TBC1D16: variants seen among roughly 807,000 people sequenced by gnomAD.
TBC1D16 encodes the protein CTD-2529O21.1.
In TBC1D16, 58 loss-of-function variants were observed where a neutral mutation model predicts 74.7. That is an observed-to-expected ratio of 0.78 (90% CI 0.63 to 0.97). The LOEUF is 0.97. TBC1D16 is among the 50% of genes least tolerant of loss of function. TBC1D16 has a pLI of 0.00. For synonymous variants in TBC1D16, 493 were observed against 474.7 expected (o/e 1.04, Z -0.50); for missense variants, 1,014 against 1,079.5 (o/e 0.94, Z 0.85).
intron 1 of TBC1D16, among the ~76,000 whole-genome samples, chr17:80,032,089 T>C (rs1172807789): frequency 1.3e-5 from 2 of 152,224 alleles, no homozygotes; most frequent in Admixed American, 6.5e-5. Context: ...ATGAACTATA[T>C]TGGAGCATTG....
rs546012642 is a variant in TBC1D16, at chr17:79,941,633, G to T, written c.2055+427C>A. On this transcript the variant is annotated intron_variant, in intron 11 of 11. Transcript: ENST00000310924. The surrounding 1 kb of genome is among the most constrained non-coding windows in gnomAD (Gnocchi z 4.3). Reference sequence around the variant, plus strand: ...CATCTCCAGGAGGCGTCTGGGAAGTGGGGGAGGGGGCCAAAGCCCAAGGTC... The same window carrying T: ...CATCTCCAGGAGGCGTCTGGGAAGTTGGGGAGGGGGCCAAAGCCCAAGGTC... Among the ~76,000 whole-genome samples the T allele has an allele frequency of 6.6e-6, 1 of 152,320 alleles. No homozygotes were observed. Among genetic ancestry groups the T allele is most frequent in the South Asian group, 2.1e-4 (1 of 4,832 alleles).
rs1046046233 is a variant in TBC1D16 at position 79,943,011 on chromosome 17, G to A, written c.1909-805C>T. On this transcript the variant is annotated intron_variant, in intron 10 of 11. Transcript: ENST00000310924. ...GACACGCCACCTTTGATGCACACGC[G>A]CTTCCGGAGGCACAGGAAGGACGGG... 4.6e-5 allele frequency among the ~76,000 whole-genome samples: 7 copies of A among 152,340 alleles called. No homozygotes were observed. The South Asian group carries it at 6.2e-4, about 14-fold the overall frequency.
rs149260140 is a variant in TBC1D16, at chr17:79,950,192, G to C, written c.1257+219C>G. 2.0e-5 allele frequency among the ~76,000 whole-genome samples: 3 copies of C among 151,898 alleles called. No homozygotes were observed. Among genetic ancestry groups the C allele is most frequent in the East Asian group, 3.9e-4 (2 of 5,182 alleles). ...TGACACGGTATCCCCCCAAACCCTCGAGGGAGGTGTTGTGTTTTGTTTTTT... is the reference window on the plus strand; with the variant it reads ...TGACACGGTATCCCCCCAAACCCTCCAGGGAGGTGTTGTGTTTTGTTTTTT... On this transcript the variant is annotated intron_variant, in intron 6 of 11. Coordinates refer to ENST00000310924, the MANE Select transcript of TBC1D16 (RefSeq NM_019020.4). This position sits in a 1 kb window ranked among gnomAD's most constrained non-coding sequence, Gnocchi z 4.6.
intron 3 of TBC1D16, 192 bp from the exon 4 acceptor site, chr17:79,953,010 C>T: frequency 2.0e-6 from 1 of 498,670 alleles, no homozygotes; most frequent in East Asian, 3.3e-5. Flanking sequence ...GTTCTACTTC[C>T]ACTTGGATGG....
In TBC1D16 at chr17:80,000,581, C is replaced by T. The variant is rs1373027902; in HGVS notation, c.779+9579G>A. ...GAGAATACATTTCTCTTGTTTCAAG[C>T]ACCCGGTTTGTGGTCCTTTGTCACA... On this transcript the variant is annotated intron_variant, in intron 3 of 11. Coordinates refer to ENST00000310924, the MANE Select transcript of TBC1D16 (RefSeq NM_019020.4). The surrounding 1 kb of genome is among the most constrained non-coding windows in gnomAD (Gnocchi z 4.1). Among the ~76,000 whole-genome samples, 1 of 152,236 alleles carries T rather than the reference C, an allele frequency of 6.6e-6. No homozygotes were observed. Among genetic ancestry groups the T allele is most frequent in the African/African-American group, 2.4e-5 (1 of 41,460 alleles).
At chr17:79,962,401 G>A (rs1427430662) in intron 3 of TBC1D16, among the ~76,000 whole-genome samples, 2 of 151,324 alleles carry the variant, frequency 1.3e-5, no homozygotes, top group African/African-American at 4.9e-5. Flanking sequence ...TTTTAGTAGA[G>A]ATGGGGTTTC....
rs371232180 is a variant in TBC1D16, at chr17:79,975,650, G to A, written c.780-22832C>T. Among the ~76,000 whole-genome samples, 16 of 152,302 alleles carry A rather than the reference G, an allele frequency of 1.1e-4. No individual in the cohort carries two copies. In the East Asian group the frequency reaches 1.7e-3, roughly 17 times the overall value. On this transcript the variant is annotated intron_variant, in intron 3 of 11. Coordinates refer to ENST00000310924, the MANE Select transcript of TBC1D16 (RefSeq NM_019020.4). This position sits in a 1 kb window ranked among gnomAD's most constrained non-coding sequence, Gnocchi z 4.5. The stretch of plus-strand genomic sequence containing the variant: ...GCCCACAACAGGTCCACCCTGAAGT[G>A]AAAAGACAAATATCATTTTTCCTCC...
chr17:79,992,155 T>C (rs1458797466), intron 3 of TBC1D16: 1 of 152,298 alleles, frequency 6.6e-6, no homozygotes, highest in African/African-American at 2.4e-5. Flanking sequence ...GGGCACACAA[T>C]GCGTCCTTTC....
In TBC1D16 at chr17:79,975,969, G is replaced by T. The variant is rs553145887; in HGVS notation, c.780-23151C>A. On this transcript the variant is annotated intron_variant, in intron 3 of 11. Transcript: ENST00000310924. The surrounding 1 kb of genome is among the most constrained non-coding windows in gnomAD (Gnocchi z 4.5). ...CAGCTTCTGCGGCTCCCCAGGCAAC[G>T]GAGCCAGTCAGGGCATGGGGACGCC... is the stretch of plus-strand genomic sequence containing the variant. Among the ~76,000 whole-genome samples, 1 of 152,166 alleles carries T rather than the reference G, an allele frequency of 6.6e-6. No homozygotes were observed. The highest frequency in any genetic ancestry group is 6.5e-5 in the Admixed American group (1 of 15,276).
In TBC1D16 at chr17:79,985,519, G is replaced by A. The variant is rs1480231772; in HGVS notation, c.779+24641C>T. Among the ~76,000 whole-genome samples the A allele has an allele frequency of 3.3e-5, 5 of 152,170 alleles. No individual in the cohort carries two copies. The highest frequency in any genetic ancestry group is 6.5e-5 in the Admixed American group (1 of 15,280). On this transcript the variant is annotated intron_variant, in intron 3 of 11. Transcript: ENST00000310924. The surrounding 1 kb of genome is among the most constrained non-coding windows in gnomAD (Gnocchi z 4.9). ...GCCCCCCAAGGCCAGGCAGGTCCTC[G>A]AGGAGCATCTCCCAGTCCAGTCTCA...
In TBC1D16 at chr17:79,936,879, T is replaced by TGCGTGC. The variant is rs1568556892; in HGVS notation, c.*3979_*3980insGCACGC. 6.7e-5 allele frequency: 10 copies of TGCGTGC among 149,274 alleles called. No homozygotes were observed. The highest frequency in any genetic ancestry group is 2.0e-4 in the Admixed American group (3 of 14,844). The allele number at this position is 149,274 out of a possible 1,614,324, so 9.2% of individuals were successfully genotyped here. A position where few individuals can be genotyped will look rare whatever the true frequency, so the allele number is the denominator to read the frequency against. On this transcript the variant is annotated 3_prime_UTR_variant, in exon 12 of 12. Transcript: ENST00000310924. ...CTGCACCCCTGCACATATGTGTGTG[T>TGCGTGC]GTGTGTGCATGCGTGCGTGTGTGCA... is the stretch of plus-strand genomic sequence containing the variant.
At chr17:80,004,784 C>T (rs573679982) in intron 3 of TBC1D16, among the ~76,000 whole-genome samples, 5 of 152,290 alleles carry the variant, frequency 3.3e-5, no homozygotes, top group East Asian at 1.9e-4. Flanking sequence ...AAGCGATTCT[C>T]GTGCCTGAGC....
In TBC1D16 at chr17:79,971,365, G is replaced by A. The variant is rs568962058; in HGVS notation, c.780-18547C>T. ...TTAAGTTGCTTAACATTTGCAAGTGGTAAATAAATTCACGTTGTGGTTAAA... is the reference window on the plus strand; with the variant it reads ...TTAAGTTGCTTAACATTTGCAAGTGATAAATAAATTCACGTTGTGGTTAAA... On this transcript the variant is annotated intron_variant, in intron 3 of 11. Transcript: ENST00000310924. This position sits in a 1 kb window ranked among gnomAD's most constrained non-coding sequence, Gnocchi z 4.6. Among the ~76,000 whole-genome samples, 1 of 152,284 alleles carries A rather than the reference G, an allele frequency of 6.6e-6. No individual in the cohort carries two copies. The highest frequency in any genetic ancestry group is 2.1e-4 in the South Asian group (1 of 4,820).
chr17:79,946,472 T>C (rs1024763000), intron 9 of TBC1D16, among the ~76,000 whole-genome samples: 5 of 152,224 alleles, frequency 3.3e-5, no homozygotes, highest in African/African-American at 1.2e-4. Context: ...GTACCAGTCC[T>C]GGGCCTGGGA....
rs1296361697 is a variant in TBC1D16 at position 79,933,932 on chromosome 17, T to C, written c.*6927A>G. The stretch of plus-strand genomic sequence containing the variant: ...ACAGGGCTGCAGACAGGATGCTCTC[T>C]CATAGAAGGACCCCAGAGAACTTCC... On this transcript the variant is annotated 3_prime_UTR_variant, in exon 12 of 12. Transcript: ENST00000310924. 2 of 152,264 alleles carry C rather than the reference T, an allele frequency of 1.3e-5. No individual in the cohort carries two copies. Among genetic ancestry groups the C allele is most frequent in the Non-Finnish European group, 2.9e-5 (2 of 68,090 alleles). The allele number at this position is 152,264 out of a possible 1,614,324, so 9.4% of individuals were successfully genotyped here. A position where few individuals can be genotyped will look rare whatever the true frequency, so the allele number is the denominator to read the frequency against.
At chr17:79,989,299 G>A (rs540392960) in intron 3 of TBC1D16, among the ~76,000 whole-genome samples, 1 of 152,332 alleles carries the variant, frequency 6.6e-6, no homozygotes, top group Non-Finnish European at 1.5e-5. Context: ...CTGCCCGACG[G>A]GTTTTATCAC....
At position 79,941,229 on chromosome 17, in the gene TBC1D16, G is replaced by A. The variant is rs964631182; in HGVS notation, c.2056-122C>T. The A allele has an allele frequency of 1.6e-5, 16 of 992,678 alleles. No homozygotes were observed. Among genetic ancestry groups the A allele is most frequent in the Non-Finnish European group, 1.9e-5 (13 of 683,592 alleles). 61.5% of individuals were successfully genotyped at this position (992,678 alleles called of 1,614,324 possible). ...ACGGCCTGCACCTCGGGGGCTCACC[G>A]AGTCCTGGACTGAGGGCTCTGCCTG... On this transcript the variant is annotated intron_variant, in intron 11 of 11. Coordinates refer to ENST00000310924, the MANE Select transcript of TBC1D16 (RefSeq NM_019020.4). The surrounding 1 kb of genome is among the most constrained non-coding windows in gnomAD (Gnocchi z 4.3).
chr17:79,949,863 G>A lies in TBC1D16; in HGVS notation c.1260C>T (p.Ala420=). 2 of 1,611,990 alleles carry A rather than the reference G, an allele frequency of 1.2e-6. No homozygotes were observed. The highest frequency in any genetic ancestry group is 1.7e-6 in the Non-Finnish European group (2 of 1,178,562). ...ACACATCAATACCGCCAAAGAAAAT[G>A]GCCTGGAGGAAGCGGCAAAAGTTGG... ...QVEEEYKLRK[A]IFFGGIDVSI... is the part of the protein sequence containing the mutation. The change falls in exon 7 of 12, where the codon GCC becomes GCT. Residue 420 remains alanine, a splice_region_variant and synonymous_variant. Coordinates refer to ENST00000310924, the MANE Select transcript of TBC1D16 (RefSeq NM_019020.4).
At position 80,009,277 on chromosome 17, in the gene TBC1D16, T is replaced by C. The variant is rs2035790375; in HGVS notation, c.779+883A>G. 6.6e-6 allele frequency among the ~76,000 whole-genome samples: 1 copy of C among 152,208 alleles called. No individual in the cohort carries two copies. Among genetic ancestry groups the C allele is most frequent in the Non-Finnish European group, 1.5e-5 (1 of 68,030 alleles). On this transcript the variant is annotated intron_variant, in intron 3 of 11. Transcript: ENST00000310924. The surrounding 1 kb of genome is among the most constrained non-coding windows in gnomAD (Gnocchi z 5.4). ...CACCATTATTTGCCCAGAAATCTAA[T>C]GAGCGTAAGGACCACAGCCGGGGCA...
Sources: gnomAD v4.1 joint callset for allele counts (sites outside exome capture counted in the v4.1 genomes callset) on GRCh38, gnomAD v4.1.1 for gene constraint, Gnocchi (gnomAD v3.1) non-coding constraint, MANE v1.5 for transcripts, NCBI Gene and HGNC (gene_info 2026-07-23, HGNC 2026-07-21) for gene names.